Variants in ADAMTS2 observed in about 807,000 individuals in gnomAD.
ADAMTS2 encodes the protein A disintegrin and metalloproteinase with thrombospondin motifs 2.
A neutral mutation model predicts 123.0 loss-of-function variants in ADAMTS2; 50 were observed. The observed-to-expected ratio is 0.41, with a 90% CI of 0.32 to 0.51. The LOEUF is 0.51. Ranked by LOEUF, ADAMTS2 falls within the 20% of genes least tolerant of loss-of-function variation. The pLI is 0.35. For missense variants in ADAMTS2, 1,494 were observed against 1,705.2 expected, an observed-to-expected ratio of 0.88 and a Z score of 2.18; for synonymous variants, 678 against 695.4, an observed-to-expected ratio of 0.98 and a Z score of 0.39.
intron 3 of ADAMTS2, among the ~76,000 whole-genome samples, chr5:179,254,645 C>A (rs993670197): frequency 1.3e-5 from 2 of 152,172 alleles, no homozygotes; most frequent in Admixed American, 6.5e-5. Context: ...ATTCTCTAAG[C>A]TACCAGGTCA....
In ADAMTS2 at chr5:179,152,394, G is replaced by A. The variant is rs148848757; in HGVS notation, c.1516-139C>T. On this transcript the variant is annotated intron_variant, in intron 9 of 21. Transcript: ENST00000251582. ...TGGGCCCGTGAGGCTGGTGGGTGTT[G>A]TGATTCTGGGGTGGTGAAGACCTTG... is the stretch of plus-strand genomic sequence containing the variant. The A allele has an allele frequency of 6.5e-4, 539 of 826,368 alleles. 1 individual carries two copies. In the African/African-American group the frequency reaches 7.6e-3, roughly 12 times the overall value. The allele number at this position is 826,368 out of a possible 1,614,324, so 51.2% of individuals were successfully genotyped here. A position where few individuals can be genotyped will look rare whatever the true frequency, so the allele number is the denominator to read the frequency against.
intron 2 of ADAMTS2, among the ~76,000 whole-genome samples, chr5:179,318,480 C>T (rs1757064470): frequency 1.3e-5 from 2 of 152,146 alleles, no homozygotes; most frequent in South Asian, 4.1e-4. Flanking sequence ...ACAGGGCCCA[C>T]TGCAAAGTGG....
intron 3 of ADAMTS2, among the ~76,000 whole-genome samples, chr5:179,214,378 G>A (rs927789994): frequency 6.6e-6 from 1 of 152,206 alleles, no homozygotes; most frequent in Non-Finnish European, 1.5e-5. Flanking sequence ...AATAGGCCTA[G>A]ACTAAATAGA....
At chr5:179,251,743 A>G (rs756613806) in intron 3 of ADAMTS2, among the ~76,000 whole-genome samples, 1 of 152,208 alleles carries the variant, frequency 6.6e-6, no homozygotes, top group Non-Finnish European at 1.5e-5. Context: ...ACAAATGGCC[A>G]TCGAGGAGAA....
intron 3 of ADAMTS2, among the ~76,000 whole-genome samples, chr5:179,261,049 T>C (rs1422445182): frequency 6.6e-6 from 1 of 152,148 alleles, no homozygotes; most frequent in Non-Finnish European, 1.5e-5. Context: ...AACAGACTTT[T>C]GTGCAACTAA....
chr5:179,132,720 G>C lies in ADAMTS2; in HGVS notation c.2209+57C>G, dbSNP rs562665230. 1.2e-6 allele frequency: 2 copies of C among 1,612,718 alleles called. No homozygotes were observed. The highest frequency in any genetic ancestry group is 3.3e-5 in the Admixed American group (2 of 59,992). On this transcript the variant is annotated intron_variant, in intron 14 of 21. Coordinates refer to ENST00000251582, the MANE Select transcript of ADAMTS2 (RefSeq NM_014244.5). The surrounding 1 kb of genome is among the most constrained non-coding windows in gnomAD (Gnocchi z 6.1). Reference sequence around the variant, plus strand: ...GATGAGTCAGGCCCTCAGCTGTCCGGGCATGAGCCTGCTGCAGGCATCCAG... The same window carrying C: ...GATGAGTCAGGCCCTCAGCTGTCCGCGCATGAGCCTGCTGCAGGCATCCAG...
intron 10 of ADAMTS2, among the ~76,000 whole-genome samples, chr5:179,149,496 T>C (rs1035930612): frequency 7.2e-5 from 11 of 152,122 alleles, no homozygotes; most frequent in Non-Finnish European, 1.3e-4. Context: ...GGGCAGACTC[T>C]AAGTCACTGG....
In ADAMTS2 at chr5:179,123,459, T is replaced by C. The variant is rs189848040; in HGVS notation, c.2959-686A>G. 2.6e-5 allele frequency among the ~76,000 whole-genome samples: 4 copies of C among 152,364 alleles called. No individual in the cohort carries two copies. The East Asian group carries it at 7.7e-4, about 29-fold the overall frequency. On this transcript the variant is annotated intron_variant, in intron 19 of 21. Transcript: ENST00000251582. ...TGTTGGTTTCGAGACAGGATCTCGC[T>C]GTGTGGCCCAGGCTGGAGTACAGTG...
intron 5 of ADAMTS2, among the ~76,000 whole-genome samples, chr5:179,171,354 A>G: frequency 6.6e-6 from 1 of 152,100 alleles, no homozygotes; most frequent in East Asian, 1.9e-4. Context: ...AGGGCCCATG[A>G]CCAGAACCCA....
chr5:179,268,264 C>A (rs1035606448), intron 3 of ADAMTS2, among the ~76,000 whole-genome samples: 4 of 152,230 alleles, frequency 2.6e-5, no homozygotes, highest in Non-Finnish European at 5.9e-5. Context: ...TGGCTGCATT[C>A]CCACTGCTGT....
In ADAMTS2 at chr5:179,132,409, C is replaced by T. The variant is rs1367508294; in HGVS notation, c.2210-99G>A. 1 of 1,194,496 alleles carries T rather than the reference C, an allele frequency of 8.4e-7. No individual in the cohort carries two copies. The highest frequency in any genetic ancestry group is 1.2e-6 in the Non-Finnish European group (1 of 822,346). The allele number at this position is 1,194,496 out of a possible 1,614,324, so 74.0% of individuals were successfully genotyped here. A position where few individuals can be genotyped will look rare whatever the true frequency, so the allele number is the denominator to read the frequency against. ...GGCCTCGCTCTTGAAGGCAGCTCCT[C>T]CGGAGGCTCTCCCAGGACCCTGGTA... is the stretch of plus-strand genomic sequence containing the variant. On this transcript the variant is annotated intron_variant, in intron 14 of 21. Coordinates refer to ENST00000251582, the MANE Select transcript of ADAMTS2 (RefSeq NM_014244.5). The surrounding 1 kb of genome is among the most constrained non-coding windows in gnomAD (Gnocchi z 6.1).
chr5:179,175,367 C>A lies in ADAMTS2; in HGVS notation c.975+5705G>T, dbSNP rs1410052142. Among the ~76,000 whole-genome samples the A allele has an allele frequency of 6.6e-6, 1 of 152,256 alleles. No individual in the cohort carries two copies. The highest frequency in any genetic ancestry group is 2.4e-5 in the African/African-American group (1 of 41,464). ...TGCTTAGAATCACTTCATAACATTTCCAACTATGAATCTGGGAAAGGCCAA... is the reference window on the plus strand; with the variant it reads ...TGCTTAGAATCACTTCATAACATTTACAACTATGAATCTGGGAAAGGCCAA... On this transcript the variant is annotated intron_variant, in intron 5 of 21. Coordinates refer to ENST00000251582, the MANE Select transcript of ADAMTS2 (RefSeq NM_014244.5). This position sits in a 1 kb window ranked among gnomAD's most constrained non-coding sequence, Gnocchi z 4.1.
At chr5:179,323,299 G>A (rs1325226964) in intron 2 of ADAMTS2, among the ~76,000 whole-genome samples, 1 of 152,264 alleles carries the variant, frequency 6.6e-6, no homozygotes, top group East Asian at 1.9e-4. Flanking sequence ...GGGGCCCCAG[G>A]GGCAGCAGTC....
chr5:179,344,188 G>A (rs1254997488), intron 1 of ADAMTS2, 27 bp from the exon 2 acceptor site: 1 of 1,568,148 alleles, frequency 6.4e-7, no homozygotes, highest in Non-Finnish European at 8.6e-7. Context: ...CGTTAGATCG[G>A]CGGAGACCAC....
At chr5:179,333,190 C>G (rs1394579270) in intron 2 of ADAMTS2, among the ~76,000 whole-genome samples, 1 of 152,178 alleles carries the variant, frequency 6.6e-6, no homozygotes, top group East Asian at 1.9e-4. Context: ...CCACCTCAAG[C>G]CCCCCATGGA....
In ADAMTS2 at chr5:179,262,017, G is replaced by A. The variant is rs1384404071; in HGVS notation, c.688+10894C>T. 2.6e-5 allele frequency among the ~76,000 whole-genome samples: 4 copies of A among 152,188 alleles called. No homozygotes were observed. The highest frequency in any genetic ancestry group is 2.1e-4 in the South Asian group (1 of 4,828). Reference sequence around the variant, plus strand: ...GGCTGCATTGGGGGCTCCTGCCCCCGCCCCGTGAGTCTGGGAACACATGGG... The same window carrying A: ...GGCTGCATTGGGGGCTCCTGCCCCCACCCCGTGAGTCTGGGAACACATGGG... On this transcript the variant is annotated intron_variant, in intron 3 of 21. Transcript: ENST00000251582. This position sits in a 1 kb window ranked among gnomAD's most constrained non-coding sequence, Gnocchi z 5.9.
chr5:179,156,649 C>T (rs944326450), intron 6 of ADAMTS2, among the ~76,000 whole-genome samples: 3 of 152,152 alleles, frequency 2.0e-5, no homozygotes, highest in African/African-American at 4.8e-5. Context: ...TGAGCCACCG[C>T]GCCCCGTCTA....
chr5:179,196,281 C>T (rs992243084), intron 4 of ADAMTS2, among the ~76,000 whole-genome samples: 3 of 152,172 alleles, frequency 2.0e-5, no homozygotes, highest in Admixed American at 6.5e-5. Flanking sequence ...ACATACTGTA[C>T]AGAGAATGTT....
chr5:179,154,516 T>C (rs895911972), intron 7 of ADAMTS2, among the ~76,000 whole-genome samples: 1 of 152,088 alleles, frequency 6.6e-6, no homozygotes, highest in South Asian at 2.1e-4. Context: ...CTCTATAACA[T>C]GGGGTAGAGC....
Sources: allele counts gnomAD v4.1 joint callset (sites outside exome capture counted in the v4.1 genomes callset), GRCh38; gene constraint gnomAD v4.1.1; non-coding constraint Gnocchi (gnomAD v3.1); transcripts MANE v1.5; gene names NCBI Gene and HGNC (gene_info 2026-07-23, HGNC 2026-07-21).